ATG2B: variants seen among roughly 807,000 people sequenced by gnomAD.
ATG2B encodes the protein autophagy related 2B, also known as autophagy-related protein 2 homolog B.
ATG2B carries 121 observed loss-of-function variants against 241.3 expected under a neutral mutation model. That is an observed-to-expected ratio of 0.50 (90% CI 0.43 to 0.58). The LOEUF is 0.58. Among genes scored for constraint, ATG2B ranks in the 20% least tolerant of loss-of-function variants. The probability of loss-of-function intolerance (pLI) is 0.00; values close to 1 mark genes in which losing one functional copy is unlikely to be tolerated. For synonymous variants in ATG2B, 858 were observed against 876.6 expected, an observed-to-expected ratio of 0.98 and a Z score of 0.37; for missense variants, 2,306 against 2,491.6, an observed-to-expected ratio of 0.93 and a Z score of 1.59.
chr14:96,286,092 GT>G, intron 41 of ATG2B, 107 bp from the exon 42 acceptor site: 2 of 778,086 alleles, frequency 2.6e-6, no homozygotes, highest in South Asian at 4.0e-5. Context: ...GTAACATTAT[GT>G]TTGTAACCAG....
At position 96,289,522 on chromosome 14, in the gene ATG2B, T is replaced by G; in HGVS notation, c.6006+134A>C. 8.7e-6 allele frequency: 9 copies of G among 1,034,574 alleles called. No individual in the cohort carries two copies. Among genetic ancestry groups the G allele is most frequent in the East Asian group, 5.0e-5 (2 of 40,400 alleles). The allele number at this position is 1,034,574 out of a possible 1,614,324, so 64.1% of individuals were successfully genotyped here. ...ATCACCTCACACAGATATGGGCACA[T>G]GTTATTAGTGGCAGTTGCCATTCTG... On this transcript the variant is annotated intron_variant, in intron 41 of 41. Coordinates refer to ENST00000359933, the MANE Select transcript of ATG2B (RefSeq NM_018036.7). This position sits in a 1 kb window ranked among gnomAD's most constrained non-coding sequence, Gnocchi z 4.3.
chr14:96,363,272 C>G lies in ATG2B; in HGVS notation c.-296G>C, dbSNP rs923718144. ...AGAGCGCGAGAGGAGGCGGCAGGGG[C>G]TGAGGCAGCCACCGCCACTGCCGCC... is the stretch of plus-strand genomic sequence containing the variant. On this transcript the variant is annotated 5_prime_UTR_variant, in exon 1 of 42. Coordinates refer to ENST00000359933, the MANE Select transcript of ATG2B (RefSeq NM_018036.7). The G allele has an allele frequency of 1.9e-5, 6 of 323,510 alleles. No homozygotes were observed. The highest frequency in any genetic ancestry group is 1.3e-4 in the African/African-American group (6 of 44,884). 20.0% of individuals were successfully genotyped at this position (323,510 alleles called of 1,614,324 possible).
chr14:96,309,358 G>T, intron 29 of ATG2B, 95 bp downstream of exon 29: 3 of 1,430,338 alleles, frequency 2.1e-6, no homozygotes, highest in Non-Finnish European at 1.9e-6. Context: ...ACTCATATGC[G>T]TCTTTAATAA....
At chr14:96,318,056 A>G (rs1240915322) in intron 18 of ATG2B, among the ~76,000 whole-genome samples, 2 of 152,252 alleles carry the variant, frequency 1.3e-5, no homozygotes, top group Non-Finnish European at 2.9e-5. Flanking sequence ...TATGGCTATA[A>G]TGCAGGGCAG....
intron 1 of ATG2B, among the ~76,000 whole-genome samples, chr14:96,361,726 T>C (rs927957807): frequency 5.9e-5 from 9 of 151,998 alleles, no homozygotes; most frequent in African/African-American, 2.2e-4. Flanking sequence ...TCTCCAGGGG[T>C]AGGACTCTCA....
At chr14:96,352,486 T>C (rs1006532316) in intron 1 of ATG2B, among the ~76,000 whole-genome samples, 4 of 152,164 alleles carry the variant, frequency 2.6e-5, no homozygotes, top group Non-Finnish European at 5.9e-5. Flanking sequence ...TGCATGTTAC[T>C]GTTCCTGAAG....
chr14:96,349,944 T>A (rs1888269927), intron 1 of ATG2B, among the ~76,000 whole-genome samples: 1 of 152,132 alleles, frequency 6.6e-6, no homozygotes, highest in African/African-American at 2.4e-5. Context: ...GATCTTGAGC[T>A]GAGCAGTTTG....
intron 29 of ATG2B, among the ~76,000 whole-genome samples, chr14:96,308,272 ATATATATATAT>A (rs1566719936): frequency 0.024 from 612 of 25,834 alleles, 34 homozygotes; most frequent in Middle Eastern, 0.048. Flanking sequence ...ATATATATAT[ATATATATATAT>A]TTTTTTTTTT....
intron 29 of ATG2B, among the ~76,000 whole-genome samples, chr14:96,307,812 T>C (rs540195499): frequency 2.0e-5 from 3 of 152,238 alleles, no homozygotes; most frequent in African/African-American, 7.2e-5. Context: ...TAATCTTAGG[T>C]AGCTATCGCA....
intron 16 of ATG2B, 121 bp from the exon 17 acceptor site, chr14:96,322,856 T>C (rs1482864585): frequency 1.3e-5 from 11 of 814,848 alleles, no homozygotes; most frequent in Non-Finnish European, 1.9e-5. Flanking sequence ...TAAACTTCTC[T>C]ACAAAGTCTA....
rs1278519346 is a variant in ATG2B, at chr14:96,284,284, GTC to G, written c.*1469_*1470del. ...TGCTTAAACAGGTGGTTACGCTGTT[GTC>G]TTTTTAAGTTTTTTGGCAGTAAAAA... On this transcript the variant is annotated 3_prime_UTR_variant, in exon 42 of 42. Transcript: ENST00000359933. 3.9e-5 allele frequency: 6 copies of G among 152,102 alleles called. No individual in the cohort carries two copies. Among genetic ancestry groups the G allele is most frequent in the Admixed American group, 3.9e-4 (6 of 15,278 alleles). 9.4% of individuals were successfully genotyped at this position (152,102 alleles called of 1,614,324 possible).
At chr14:96,312,454 A>G (rs1221036381) in intron 25 of ATG2B, among the ~76,000 whole-genome samples, 1 of 152,220 alleles carries the variant, frequency 6.6e-6, no homozygotes, top group Non-Finnish European at 1.5e-5. Flanking sequence ...GTATAAAGAT[A>G]GAGTGGGCCA....
intron 8 of ATG2B, 146 bp from the exon 9 acceptor site, chr14:96,332,801 G>A: frequency 2.0e-6 from 1 of 495,064 alleles, no homozygotes; most frequent in East Asian, 3.5e-5. Context: ...TTACAGTGGT[G>A]TAATTTATGA....
At chr14:96,334,539 CT>C (rs750316467) in intron 6 of ATG2B, 38 bp from the exon 7 acceptor site, 2 of 1,204,728 alleles carry the variant, frequency 1.7e-6, no homozygotes, top group South Asian at 1.4e-5. Context: ...GAGGAGTATT[CT>C]TTATAACCTT....
At chr14:96,344,871 G>A in intron 3 of ATG2B, 115 bp from the exon 4 acceptor site, 1 of 518,212 alleles carries the variant, frequency 1.9e-6, no homozygotes, top group East Asian at 3.2e-5. Context: ...AAATAAAGAA[G>A]CTGAATTTCT....
At chr14:96,288,521 CT>C (rs1241107973) in intron 41 of ATG2B, among the ~76,000 whole-genome samples, 2 of 152,196 alleles carry the variant, frequency 1.3e-5, no homozygotes, top group East Asian at 1.9e-4. Context: ...CCCAGTAAAT[CT>C]TTTTTTCAAA....
chr14:96,328,697 G>A lies in ATG2B; in HGVS notation c.1951C>T (p.His651Tyr). 1 of 1,610,588 alleles carries A rather than the reference G, an allele frequency of 6.2e-7. No homozygotes were observed. The highest frequency in any genetic ancestry group is 8.5e-7 in the Non-Finnish European group (1 of 1,178,854). ...SPVCLQLHYK[H>Y]SENRGPQGNQ... is the part of the protein sequence containing the mutation. ...ACCTGGGGCCCTCTATTCTCAGAAT[G>A]CTTATAATGAAGCTGAAGACACACA... Residue 651 changes from histidine to tyrosine, a missense_variant, in exon 13 of 42, where the codon CAT becomes TAT. Coordinates refer to ENST00000359933, the MANE Select transcript of ATG2B (RefSeq NM_018036.7).
intron 23 of ATG2B, among the ~76,000 whole-genome samples, chr14:96,313,820 T>A (rs755445427): frequency 2.0e-5 from 3 of 152,192 alleles, no homozygotes; most frequent in Non-Finnish European, 4.4e-5. Flanking sequence ...CCTTATGAAA[T>A]TAATAACAAT....
At chr14:96,351,708 C>T (rs1888326134) in intron 1 of ATG2B, among the ~76,000 whole-genome samples, 1 of 150,612 alleles carries the variant, frequency 6.6e-6, no homozygotes. Context: ...TGCACTCCAG[C>T]CTGGGCGGCA....
Sources: gnomAD v4.1 joint callset for allele counts (sites outside exome capture counted in the v4.1 genomes callset) on GRCh38, gnomAD v4.1.1 for gene constraint, Gnocchi (gnomAD v3.1) non-coding constraint, MANE v1.5 for transcripts, NCBI Gene and HGNC (gene_info 2026-07-23, HGNC 2026-07-21) for gene names.